The following ADAMTS17 variants were observed in gnomAD, a reference collection of about 807,000 sequenced individuals.
ADAMTS17 encodes A disintegrin and metalloproteinase with thrombospondin motifs 17.
ADAMTS17 carries 113 observed loss-of-function variants against 141.5 expected under a neutral mutation model. The observed-to-expected ratio is 0.80, with a 90% confidence interval of 0.69 to 0.93. The LOEUF (loss-of-function observed/expected upper bound fraction) is 0.93. Ranked by LOEUF, ADAMTS17 falls within the 40% of genes least tolerant of loss-of-function variation. ADAMTS17 has a pLI of 0.00. For missense variants in ADAMTS17, 1,659 were observed against 1,517.9 expected, an observed-to-expected ratio of 1.09 and a Z score of -1.54; for synonymous variants, 768 against 630.6, an observed-to-expected ratio of 1.22 and a Z score of -3.27.
At position 100,084,052 on chromosome 15, in the gene ADAMTS17, C is replaced by T. The variant is rs368890158; in HGVS notation, c.2137+12304G>A. 6.6e-5 allele frequency among the ~76,000 whole-genome samples: 10 copies of T among 152,136 alleles called. No homozygotes were observed. In the East Asian group the frequency reaches 1.4e-3, roughly 21 times the overall value. ...GCCGAAGCAGGGTGAGGCATCACCT[C>T]ACCCGGGAAGTGAAAGGGGTCAGGG... On this transcript the variant is annotated intron_variant, in intron 15 of 21. Transcript: ENST00000268070.
chr15:100,053,971 C>G lies in ADAMTS17; in HGVS notation c.2221G>C (p.Val741Leu). The G allele has an allele frequency of 6.2e-7, 1 of 1,614,220 alleles. No homozygotes were observed. The highest frequency in any genetic ancestry group is 8.5e-7 in the Non-Finnish European group (1 of 1,180,036). ...CACAGCCCCCTTCTCACATAGCGAA[C>G]AGTTGTGCCTGCAATCTGGAACTCT... ...PGEFQIAGTT[V>L]RYVRRGLWEK... Residue 741 changes from valine to leucine, a missense_variant, in exon 16 of 22, where the codon GTT (valine) becomes CTT (leucine). Transcript: ENST00000268070.
chr15:100,120,441 G>A (rs1200584563), intron 12 of ADAMTS17, among the ~76,000 whole-genome samples: 1 of 152,192 alleles, frequency 6.6e-6, no homozygotes, highest in Non-Finnish European at 1.5e-5. Flanking sequence ...TCTGACTGTT[G>A]ATTGCTACTT....
chr15:100,326,559 A>G (rs1044660358), intron 3 of ADAMTS17, among the ~76,000 whole-genome samples: 1 of 152,212 alleles, frequency 6.6e-6, no homozygotes, highest in Non-Finnish European at 1.5e-5. Flanking sequence ...ATAATGGATT[A>G]CACCTGGATT....
chr15:100,194,015 C>G (rs1477794464), intron 8 of ADAMTS17, among the ~76,000 whole-genome samples: 1 of 152,232 alleles, frequency 6.6e-6, no homozygotes, highest in East Asian at 1.9e-4. Flanking sequence ...GCTTATCTAA[C>G]AGACACTCCT....
intron 3 of ADAMTS17, among the ~76,000 whole-genome samples, chr15:100,310,881 TTC>T (rs1454023484): frequency 6.6e-6 from 1 of 152,186 alleles, no homozygotes; most frequent in Admixed American, 6.5e-5. Flanking sequence ...AGCAGGCAAA[TTC>T]TCTGTCTGGT....
intron 15 of ADAMTS17, among the ~76,000 whole-genome samples, chr15:100,082,579 G>C (rs2034817823): frequency 6.6e-6 from 1 of 151,594 alleles, no homozygotes; most frequent in Non-Finnish European, 1.5e-5. Context: ...GTAGAGGCAG[G>C]GTTTCGCCAT....
At chr15:100,207,720 G>A (rs1295560905) in intron 7 of ADAMTS17, among the ~76,000 whole-genome samples, 1 of 152,216 alleles carries the variant, frequency 6.6e-6, no homozygotes, top group African/African-American at 2.4e-5. Flanking sequence ...TCTGTAGGCA[G>A]AGAAGTGCCA....
chr15:100,108,146 T>A (rs1001539042), intron 14 of ADAMTS17, among the ~76,000 whole-genome samples: 1 of 151,458 alleles, frequency 6.6e-6, no homozygotes, highest in Non-Finnish European at 1.5e-5. Flanking sequence ...AGGTGGAGGG[T>A]AAGCTTCCTT....
chr15:100,077,779 A>G (rs2034479259), intron 15 of ADAMTS17, among the ~76,000 whole-genome samples: 1 of 152,210 alleles, frequency 6.6e-6, no homozygotes, highest in South Asian at 2.1e-4. Flanking sequence ...TAGGCAAGGA[A>G]AAGAAATATA....
In ADAMTS17 at chr15:99,993,338, G is replaced by T. The variant is rs1247972873; in HGVS notation, c.2797-138C>A. 19 of 1,317,248 alleles carry T rather than the reference G, an allele frequency of 1.4e-5. No individual in the cohort carries two copies. The highest frequency in any genetic ancestry group is 2.0e-5 in the Non-Finnish European group (19 of 931,878). The allele number at this position is 1,317,248 out of a possible 1,614,324, so 81.6% of individuals were successfully genotyped here. A position where few individuals can be genotyped will look rare whatever the true frequency, so the allele number is the denominator to read the frequency against. Reference sequence around the variant, plus strand: ...AAACCCACACTTCTGTCCTCAAAAAGCTCCTGGTCTGCAGGGTCTTACGCA... The same window carrying T: ...AAACCCACACTTCTGTCCTCAAAAATCTCCTGGTCTGCAGGGTCTTACGCA... On this transcript the variant is annotated intron_variant, in intron 19 of 21. Coordinates refer to ENST00000268070, the MANE Select transcript of ADAMTS17 (RefSeq NM_139057.4). The surrounding 1 kb of genome is among the most constrained non-coding windows in gnomAD (Gnocchi z 4.3).
intron 4 of ADAMTS17, among the ~76,000 whole-genome samples, chr15:100,275,256 A>C (rs1409220848): frequency 6.6e-6 from 1 of 152,194 alleles, no homozygotes; most frequent in Non-Finnish European, 1.5e-5. Context: ...AAGAATGGAA[A>C]AGCAGATGGG....
rs190439674 is a variant in ADAMTS17 at position 100,085,117 on chromosome 15, A to C, written c.2137+11239T>G. On this transcript the variant is annotated intron_variant, in intron 15 of 21. Transcript: ENST00000268070. ...TGAAAAAATATTAGATGAATGGCTA[A>C]CTAGAATAACCAATGCAGAGAAGTC... 2.4e-3 allele frequency among the ~76,000 whole-genome samples: 359 copies of C among 152,238 alleles called. 2 individuals are homozygous for C. Among genetic ancestry groups the C allele is most frequent in the African/African-American group, 8.2e-3 (341 of 41,514 alleles).
chr15:99,988,098 G>A (rs1219775407), intron 20 of ADAMTS17, among the ~76,000 whole-genome samples: 2 of 152,082 alleles, frequency 1.3e-5, no homozygotes, highest in Non-Finnish European at 2.9e-5. Context: ...ACAGCTCGGT[G>A]CACACAATGG....
chr15:100,022,318 G>C (rs143505176), intron 18 of ADAMTS17, among the ~76,000 whole-genome samples: 71 of 152,224 alleles, frequency 4.7e-4, no homozygotes, highest in African/African-American at 1.5e-3. Context: ...CCTCCTCGGC[G>C]GTGGACCCCA....
chr15:100,037,014 G>C (rs77478266), intron 18 of ADAMTS17, among the ~76,000 whole-genome samples: 6,987 of 152,164 alleles, frequency 0.046, 324 homozygotes, highest in African/African-American at 0.12. Context: ...ATAATACTAT[G>C]AACATTTGTG....
intron 6 of ADAMTS17, chr15:100,257,220 A>T (rs545483859): frequency 6.6e-6 from 1 of 152,244 alleles, no homozygotes. Flanking sequence ...CAGTTTCTCC[A>T]GGGCAGAAGC....
rs2060272386 is a variant in ADAMTS17, at chr15:99,974,287, T to C, written c.*115A>G. 1.8e-5 allele frequency: 24 copies of C among 1,338,488 alleles called. No homozygotes were observed. Among genetic ancestry groups the C allele is most frequent in the Non-Finnish European group, 1.6e-5 (15 of 940,376 alleles). 82.9% of individuals were successfully genotyped at this position (1,338,488 alleles called of 1,614,324 possible). A position where few individuals can be genotyped will look rare whatever the true frequency, so the allele number is the denominator to read the frequency against. ...ACGCCAAGTCCACGCTCATGTTCTATGTAGTTGGATTCTTGTGGCAGCCGG... is the reference window on the plus strand; with the variant it reads ...ACGCCAAGTCCACGCTCATGTTCTACGTAGTTGGATTCTTGTGGCAGCCGG... On this transcript the variant is annotated 3_prime_UTR_variant, in exon 22 of 22. Transcript: ENST00000268070.
At chr15:100,176,772 T>C (rs1163122537) in intron 8 of ADAMTS17, among the ~76,000 whole-genome samples, 1 of 152,182 alleles carries the variant, frequency 6.6e-6, no homozygotes, top group Non-Finnish European at 1.5e-5. Context: ...ATAACCACCG[T>C]CCTCCCTATC....
chr15:100,291,535 T>A (rs916132367), intron 3 of ADAMTS17, among the ~76,000 whole-genome samples: 1 of 152,308 alleles, frequency 6.6e-6, no homozygotes, highest in South Asian at 2.1e-4. Flanking sequence ...GGATGACCCA[T>A]GCACGTGTAT....
Sources: gnomAD v4.1 joint callset for allele counts (sites outside exome capture counted in the v4.1 genomes callset) on GRCh38, gnomAD v4.1.1 for gene constraint, Gnocchi (gnomAD v3.1) non-coding constraint, MANE v1.5 for transcripts, NCBI Gene and HGNC (gene_info 2026-07-23, HGNC 2026-07-21) for gene names.